Variants in CYP11A1 observed in about 807,000 individuals in gnomAD.
CYP11A1 encodes the protein cholesterol side-chain cleavage enzyme, mitochondrial.
CYP11A1 carries 25 observed loss-of-function variants against 51.9 expected under a neutral mutation model. That is an observed-to-expected ratio of 0.48 (90% confidence interval 0.35 to 0.67). CYP11A1 has a LOEUF of 0.67. Ranked by LOEUF, CYP11A1 falls within the 30% of genes least tolerant of loss-of-function variation. The pLI, the probability that CYP11A1 is intolerant of heterozygous loss-of-function variation, is 0.00. For synonymous variants in CYP11A1, 245 were observed against 262.1 expected, an observed-to-expected ratio of 0.93 and a Z score of 0.63; for missense variants, 578 against 680.9, an observed-to-expected ratio of 0.85 and a Z score of 1.68.
chr15:74,366,275 CG>C (rs1301276240), intron 1 of CYP11A1: 14 of 903,764 alleles, frequency 1.5e-5, no homozygotes, highest in Middle Eastern at 6.3e-4. Flanking sequence ...CTCCCTCCCC[CG>C]ATTTTTTTTT....
intron 5 of CYP11A1, among the ~76,000 whole-genome samples, chr15:74,340,637 T>G (rs978982110): frequency 2.0e-5 from 3 of 152,202 alleles, no homozygotes; most frequent in Admixed American, 2.0e-4. Flanking sequence ...TTACATATGT[T>G]ACCTCGTTTA....
chr15:74,342,790 G>A (rs183075424), intron 5 of CYP11A1, among the ~76,000 whole-genome samples, 187 bp downstream of exon 5: 1 of 152,306 alleles, frequency 6.6e-6, no homozygotes, highest in African/African-American at 2.4e-5. Flanking sequence ...ATCATGCCCT[G>A]GGTGACTTGA....
In CYP11A1 at chr15:74,344,921, G is replaced by A. The variant is rs74522504; in HGVS notation, c.625+123C>T. On this transcript the variant is annotated intron_variant, in intron 3 of 8. Transcript: ENST00000268053. ...GCAGGCAGTGGAGGACATGATCAGC[G>A]GCTCATCCCAGAAGTCAGTCTCAAT... 1.7e-4 allele frequency: 162 copies of A among 933,610 alleles called. 1 individual carries two copies. The African/African-American group carries it at 2.3e-3, about 13-fold the overall frequency. The allele number at this position is 933,610 out of a possible 1,614,324, so 57.8% of individuals were successfully genotyped here.
chr15:74,339,042 C>G (rs1190901798), intron 7 of CYP11A1, among the ~76,000 whole-genome samples, 195 bp downstream of exon 7: 2 of 152,186 alleles, frequency 1.3e-5, no homozygotes, highest in East Asian at 3.9e-4. Context: ...CATGAAGTCT[C>G]CCTCCTAACC....
chr15:74,365,863 C>CTGG (rs1160032227), intron 1 of CYP11A1: 1 of 985,304 alleles, frequency 1.0e-6, no homozygotes, highest in Non-Finnish European at 1.2e-6. Flanking sequence ...CCCTGCTTCG[C>CTGG]CGCCGCCTCC....
chr15:74,339,866 C>T, intron 5 of CYP11A1, 113 bp from the exon 6 acceptor site: 1 of 1,017,008 alleles, frequency 9.8e-7, no homozygotes, highest in Non-Finnish European at 1.5e-6. Flanking sequence ...TCTCCCCGAA[C>T]CCCATCCCAG....
At chr15:74,365,751 T>G in intron 1 of CYP11A1, 1 of 985,422 alleles carries the variant, frequency 1.0e-6, no homozygotes. Flanking sequence ...TGGGCTCGGG[T>G]GAGCTCGGGT....
chr15:74,339,575 T>C lies in CYP11A1; in HGVS notation c.1157+12A>G. The C allele has an allele frequency of 2.5e-6, 4 of 1,612,048 alleles. No individual in the cohort carries two copies. The highest frequency in any genetic ancestry group is 1.7e-4 in the Middle Eastern group (1 of 6,056). On this transcript the variant is annotated intron_variant, in intron 6 of 8. Coordinates refer to ENST00000268053, the MANE Select transcript of CYP11A1 (RefSeq NM_000781.3). ...TTGGAGTTGGGGGCGGCATGGGTGG[T>C]TGTGGGCTTGCCTTAGTGTCTCCTT... is the stretch of plus-strand genomic sequence containing the variant.
chr15:74,339,850 CCT>C, intron 5 of CYP11A1, 97 bp from the exon 6 acceptor site: 1 of 1,184,924 alleles, frequency 8.4e-7, no homozygotes, highest in East Asian at 2.4e-5. Context: ...TTTCCAAGAA[CCT>C]CTTTCTCCCC....
At chr15:74,363,847 C>T (rs2060719591) in intron 1 of CYP11A1, 2 of 152,166 alleles carry the variant, frequency 1.3e-5, no homozygotes, top group Admixed American at 1.3e-4. Context: ...AAGTGAAAAC[C>T]TGATCAAAAA....
chr15:74,356,358 AT>A (rs1368490401), intron 1 of CYP11A1: 2 of 152,298 alleles, frequency 1.3e-5, no homozygotes, highest in Non-Finnish European at 1.5e-5. Context: ...GCCCAAGGCT[AT>A]CTGACTGACT....
Position 74,367,317 on chromosome 15 carries a change from C to T in CYP11A1, c.269G>A (p.Arg90Lys). 2 of 1,614,192 alleles carry T rather than the reference C, an allele frequency of 1.2e-6. No homozygotes were observed. The highest frequency in any genetic ancestry group is 1.7e-6 in the Non-Finnish European group (2 of 1,180,048). The change falls in exon 1 of 9, where the codon AGG becomes AAG. Residue 90 changes from arginine (R) to lysine (K), a missense_variant and splice_region_variant. Coordinates refer to ENST00000268053, the MANE Select transcript of CYP11A1 (RefSeq NM_000781.3). ...QNFQKYGPIYREKLGNVESVY... is the reference protein window; with the variant it reads ...QNFQKYGPIYKEKLGNVESVY... ...GGCTCCCACCCTCTGCCAGGCTTAC[C>T]TGTAAATCGGGCCATACTTCTGGAA...
At chr15:74,338,895 C>T (rs1489484883) in intron 7 of CYP11A1, 127 bp from the exon 8 acceptor site, 4 of 875,630 alleles carry the variant, frequency 4.6e-6, no homozygotes, top group Non-Finnish European at 5.5e-6. Context: ...GCCCAGCTCT[C>T]CAGGGCAGGA....
At chr15:74,353,594 T>G (rs2060665113) in intron 1 of CYP11A1, among the ~76,000 whole-genome samples, 1 of 152,200 alleles carries the variant, frequency 6.6e-6, no homozygotes, top group African/African-American at 2.4e-5. Flanking sequence ...TTAAGGATAC[T>G]GAATTGTGTA....
chr15:74,345,318 G>A lies in CYP11A1; in HGVS notation c.426-75C>T. The stretch of plus-strand genomic sequence containing the variant: ...GGTGAACACAGAGGGGGCTGACTCA[G>A]TTTTCCCAGGAAGCTGAGTCACAGC... On this transcript the variant is annotated intron_variant, in intron 2 of 8. Coordinates refer to ENST00000268053, the MANE Select transcript of CYP11A1 (RefSeq NM_000781.3). The surrounding 1 kb of genome is among the most constrained non-coding windows in gnomAD (Gnocchi z 4.3). 2 of 1,536,552 alleles carry A rather than the reference G, an allele frequency of 1.3e-6. No individual in the cohort carries two copies. The highest frequency in any genetic ancestry group is 3.4e-4 in the Middle Eastern group (2 of 5,826).
intron 5 of CYP11A1, 50 bp downstream of exon 5, chr15:74,342,927 G>A (rs1329607979): frequency 1.9e-6 from 3 of 1,598,130 alleles, no homozygotes; most frequent in Non-Finnish European, 2.6e-6. Flanking sequence ...GTGGGGAAGG[G>A]GCACGTGGGC....
In CYP11A1 at chr15:74,342,958, G is replaced by T. The variant is rs373660850; in HGVS notation, c.990+19C>A. The T allele has an allele frequency of 6.2e-7, 1 of 1,611,896 alleles. No individual in the cohort carries two copies. Among genetic ancestry groups the T allele is most frequent in the Admixed American group, 1.7e-5 (1 of 60,022 alleles). Reference sequence around the variant, plus strand: ...TGGGCACAGGGGGCAACAAGGTGCCGCCCCTACAGCCACCTCACCGTGTCC... The same window carrying T: ...TGGGCACAGGGGGCAACAAGGTGCCTCCCCTACAGCCACCTCACCGTGTCC... On this transcript the variant is annotated intron_variant, in intron 5 of 8. Transcript: ENST00000268053.
chr15:74,359,749 G>GCC (rs1301105454), intron 1 of CYP11A1: 2 of 152,184 alleles, frequency 1.3e-5, no homozygotes, highest in African/African-American at 2.4e-5. Flanking sequence ...CTCACACAAA[G>GCC]CCTGTTCAGT....
intron 3 of CYP11A1, among the ~76,000 whole-genome samples, chr15:74,344,295 C>A (rs796230593): frequency 2.4e-4 from 37 of 152,254 alleles, no homozygotes; most frequent in African/African-American, 7.5e-4. Flanking sequence ...CTGCTCTGCC[C>A]AGGCTTCCAC....
Sources: allele counts gnomAD v4.1 joint callset (sites outside exome capture counted in the v4.1 genomes callset), GRCh38; gene constraint gnomAD v4.1.1; non-coding constraint Gnocchi (gnomAD v3.1); transcripts MANE v1.5; gene names NCBI Gene and HGNC (gene_info 2026-07-23, HGNC 2026-07-21).